The following SGCZ variants were observed in gnomAD, a reference collection of about 807,000 sequenced individuals.
SGCZ encodes zeta-sarcoglycan.
In SGCZ, 40 loss-of-function variants were observed where a neutral mutation model predicts 41.3. The observed-to-expected ratio is 0.97, with a 90% CI of 0.75 to 1.26. The LOEUF (loss-of-function observed/expected upper bound fraction) is 1.26. Among genes scored for constraint, SGCZ ranks in the 50% most tolerant of loss-of-function variants. SGCZ has a pLI of 0.00. For missense variants in SGCZ, 552 were observed against 369.8 expected, an observed-to-expected ratio of 1.49 and a Z score of -4.04; for synonymous variants, 206 against 137.5, an observed-to-expected ratio of 1.50 and a Z score of -3.49.
At chr8:14,565,632 G>T (rs527501237) in intron 1 of SGCZ, among the ~76,000 whole-genome samples, 1 of 152,088 alleles carries the variant, frequency 6.6e-6, no homozygotes, top group Non-Finnish European at 1.5e-5. Flanking sequence ...AAACGCAGCA[G>T]GAGAGCTTAA....
chr8:14,224,366 G>C (rs375774750), intron 4 of SGCZ, among the ~76,000 whole-genome samples: 2 of 152,120 alleles, frequency 1.3e-5, no homozygotes, highest in East Asian at 1.9e-4. Context: ...TTAGTACCAG[G>C]TACTATGGTG....
intron 4 of SGCZ, among the ~76,000 whole-genome samples, chr8:14,230,318 G>A (rs144099663): frequency 6.6e-6 from 1 of 152,090 alleles, no homozygotes; most frequent in Non-Finnish European, 1.5e-5. Context: ...TACACATGCA[G>A]TGTGAACAAA....
chr8:14,233,552 CTTTA>C, intron 4 of SGCZ, among the ~76,000 whole-genome samples: 1 of 148,370 alleles, frequency 6.7e-6, no homozygotes, highest in Middle Eastern at 3.6e-3. Context: ...CTGCATAATA[CTTTA>C]TTTATACTAC....
chr8:14,857,178 C>T (rs1321609513), intron 1 of SGCZ, among the ~76,000 whole-genome samples: 1 of 152,106 alleles, frequency 6.6e-6, no homozygotes, highest in Non-Finnish European at 1.5e-5. Flanking sequence ...CCTGCTAACC[C>T]TTCACCTCCT....
chr8:15,149,878 A>C (rs1799130829), intron 1 of SGCZ, among the ~76,000 whole-genome samples: 2 of 152,228 alleles, frequency 1.3e-5, no homozygotes, highest in South Asian at 4.1e-4. Context: ...AATAGAGAAT[A>C]ACTAGAAAAC....
At chr8:14,228,410 T>C (rs1384903121) in intron 4 of SGCZ, among the ~76,000 whole-genome samples, 1 of 152,106 alleles carries the variant, frequency 6.6e-6, no homozygotes, top group Admixed American at 6.6e-5. Context: ...TTTACTTTTA[T>C]CCTTTAACTG....
chr8:14,764,891 T>C, intron 1 of SGCZ, among the ~76,000 whole-genome samples: 1 of 152,228 alleles, frequency 6.6e-6, no homozygotes, highest in East Asian at 1.9e-4. Context: ...AGAGTCATAA[T>C]GTTTACATCT....
intron 5 of SGCZ, among the ~76,000 whole-genome samples, chr8:14,134,531 G>A (rs1312112017): frequency 6.6e-6 from 1 of 152,164 alleles, no homozygotes; most frequent in Non-Finnish European, 1.5e-5. Flanking sequence ...GGCATAGAAA[G>A]TAATAGAATT....
intron 6 of SGCZ, 105 bp downstream of exon 6, chr8:14,108,058 A>C: frequency 1.2e-6 from 1 of 805,904 alleles, no homozygotes; most frequent in East Asian, 2.9e-5. Flanking sequence ...TATTTTAAGT[A>C]TATTGGGAGA....
intron 1 of SGCZ, among the ~76,000 whole-genome samples, chr8:14,603,048 G>A (rs981197205): frequency 2.6e-5 from 4 of 152,150 alleles, no homozygotes; most frequent in Admixed American, 2.6e-4. Flanking sequence ...GAGACACTAG[G>A]AGGATTCTAG....
chr8:15,073,078 G>A (rs891734324), intron 1 of SGCZ, among the ~76,000 whole-genome samples: 2 of 152,114 alleles, frequency 1.3e-5, no homozygotes, highest in African/African-American at 4.8e-5. Context: ...ACTGATCACA[G>A]CTCATGTCAG....
intron 2 of SGCZ, among the ~76,000 whole-genome samples, chr8:14,531,103 C>T (rs141932908): frequency 6.6e-6 from 1 of 151,976 alleles, no homozygotes; most frequent in African/African-American, 2.4e-5. Flanking sequence ...TTGGTATACT[C>T]AGCCCCTGAT....
chr8:14,107,051 C>T (rs1170008295), intron 6 of SGCZ, among the ~76,000 whole-genome samples: 1 of 151,860 alleles, frequency 6.6e-6, no homozygotes, highest in African/African-American at 2.4e-5. Flanking sequence ...CCCGTCTCTA[C>T]TAAAAATACA....
chr8:14,634,456 A>T (rs924401390), intron 1 of SGCZ, among the ~76,000 whole-genome samples: 1 of 151,874 alleles, frequency 6.6e-6, no homozygotes, highest in African/African-American at 2.4e-5. Context: ...ATGAATTAAA[A>T]ATTTTCCTAA....
rs1665229703 is a variant in SGCZ at position 14,785,059 on chromosome 8, C to T, written c.40-230133G>A. Among the ~76,000 whole-genome samples, 4 of 146,886 alleles carry T rather than the reference C, an allele frequency of 2.7e-5. No individual in the cohort carries two copies. In the South Asian group the frequency reaches 8.5e-4, roughly 31 times the overall value. On this transcript the variant is annotated intron_variant, in intron 1 of 7. Transcript: ENST00000382080. ...AAAGGATTTGTATTAGCATTTTAAG[C>T]CAAATGACAAAAAGAAAATTAGTAA...
chr8:14,722,215 A>C (rs1219397713), intron 1 of SGCZ, among the ~76,000 whole-genome samples: 1 of 152,166 alleles, frequency 6.6e-6, no homozygotes, highest in African/African-American at 2.4e-5. Flanking sequence ...ACATGAGGGC[A>C]TATATTTATG....
At chr8:15,191,136 T>G (rs769645730) in intron 1 of SGCZ, among the ~76,000 whole-genome samples, 17 of 152,092 alleles carry the variant, frequency 1.1e-4, no homozygotes, top group African/African-American at 1.5e-4. Flanking sequence ...GTGCAGTGCA[T>G]ATAAAAAAAT....
rs1251785331 is a variant in SGCZ at position 14,112,283 on chromosome 8, T to TTG, written c.548-4049_548-4048insCA. Among the ~76,000 whole-genome samples the TTG allele has an allele frequency of 3.9e-3, 444 of 113,842 alleles. 3 individuals are homozygous for TTG. The highest frequency in any genetic ancestry group is 0.013 in the African/African-American group (419 of 31,430). 74.7% of individuals were successfully genotyped at this position (113,842 alleles called of 152,430 possible). ...TGAATTTTTTGAGTTTTTTTTTTTG[T>TTG]GGGGGGGGGGTGCAAAGAAGGGAAT... On this transcript the variant is annotated intron_variant, in intron 5 of 7. Transcript: ENST00000382080.
At chr8:15,195,445 G>C (rs989178165) in intron 1 of SGCZ, among the ~76,000 whole-genome samples, 1 of 152,068 alleles carries the variant, frequency 6.6e-6, no homozygotes, top group Non-Finnish European at 1.5e-5. Context: ...CTTAGTGCTC[G>C]GCAAGCTCAT....
Sources: gnomAD v4.1 joint callset for allele counts (sites outside exome capture counted in the v4.1 genomes callset) on GRCh38, gnomAD v4.1.1 for gene constraint, MANE v1.5 for transcripts, NCBI Gene and HGNC (gene_info 2026-07-23, HGNC 2026-07-21) for gene names.